SYCP2L: variants seen among roughly 807,000 people sequenced by gnomAD.
The protein encoded by SYCP2L is synaptonemal complex protein 2-like.
Under a neutral mutation model 125.8 loss-of-function variants are expected in SYCP2L, and 98 were observed. The observed-to-expected ratio is 0.78, with a 90% CI of 0.66 to 0.92. The LOEUF (loss-of-function observed/expected upper bound fraction) is 0.92. Ranked by LOEUF, SYCP2L falls within the 40% of genes least tolerant of loss-of-function variation. SYCP2L has a pLI of 0.00. For synonymous variants in SYCP2L, 317 were observed against 325.4 expected (o/e 0.97, Z 0.28); for missense variants, 842 against 936.4 (o/e 0.90, Z 1.32).
chr6:10,904,810 GT>G (rs996379479), intron 8 of SYCP2L, among the ~76,000 whole-genome samples: 9 of 152,094 alleles, frequency 5.9e-5, no homozygotes, highest in Non-Finnish European at 1.2e-4. Flanking sequence ...CAACAAATCT[GT>G]TCTTTAAAAT....
At chr6:10,897,436 G>A (rs1262500317) in intron 4 of SYCP2L, among the ~76,000 whole-genome samples, 1 of 147,904 alleles carries the variant, frequency 6.8e-6, no homozygotes, top group Non-Finnish European at 1.5e-5. Flanking sequence ...TGGAGGTGGG[G>A]TCTCGCTCTG....
Position 10,912,987 on chromosome 6 carries a change from G to A in SYCP2L, c.1072+60G>A. The A allele has an allele frequency of 2.0e-6, 3 of 1,477,954 alleles. No individual in the cohort carries two copies. The South Asian group carries it at 3.5e-5, about 17-fold the overall frequency. The allele number at this position is 1,477,954 out of a possible 1,614,324, so 91.6% of individuals were successfully genotyped here. A position where few individuals can be genotyped will look rare whatever the true frequency, so the allele number is the denominator to read the frequency against. On this transcript the variant is annotated intron_variant, in intron 14 of 29. Transcript: ENST00000283141. This position sits in a 1 kb window ranked among gnomAD's most constrained non-coding sequence, Gnocchi z 4.1. ...TCCAAATATTATTTCTGTTGTATAT[G>A]CAGTGTGTATTTATTTAATTCTAGG...
At chr6:10,930,650 C>A in intron 19 of SYCP2L, 136 bp downstream of exon 19, 3 of 1,032,226 alleles carry the variant, frequency 2.9e-6, no homozygotes, top group Non-Finnish European at 4.2e-6. Context: ...GCTACAGTTA[C>A]ACTGGAAAGG....
At chr6:10,889,439 G>A (rs781764831) in intron 1 of SYCP2L, among the ~76,000 whole-genome samples, 2 of 151,982 alleles carry the variant, frequency 1.3e-5, no homozygotes, top group Non-Finnish European at 2.9e-5. Flanking sequence ...AAATCTACTC[G>A]TATAGCTATT....
intron 8 of SYCP2L, among the ~76,000 whole-genome samples, chr6:10,903,366 G>C (rs1780420010): frequency 6.6e-6 from 1 of 152,158 alleles, no homozygotes. Flanking sequence ...GGCTAACACA[G>C]TGAAACCCTG....
chr6:10,891,323 A>T (rs1459135940), intron 1 of SYCP2L, among the ~76,000 whole-genome samples, 190 bp from the exon 2 acceptor site: 4 of 152,012 alleles, frequency 2.6e-5, no homozygotes, highest in Non-Finnish European at 2.9e-5. Flanking sequence ...AGAAGGTTGG[A>T]TAAAGTTTTT....
intron 29 of SYCP2L, among the ~76,000 whole-genome samples, chr6:10,964,113 A>G (rs1379923348): frequency 6.6e-6 from 1 of 151,776 alleles, no homozygotes; most frequent in Non-Finnish European, 1.5e-5. Context: ...ACCCGCCACC[A>G]CGCCCGGCTA....
At chr6:10,933,240 T>C (rs1781030153) in intron 20 of SYCP2L, among the ~76,000 whole-genome samples, 1 of 152,206 alleles carries the variant, frequency 6.6e-6, no homozygotes, top group Non-Finnish European at 1.5e-5. Flanking sequence ...AGATAGTAAA[T>C]ACTTTTGGCT....
chr6:10,961,014 G>A (rs2113416771), intron 26 of SYCP2L, among the ~76,000 whole-genome samples: 1 of 151,728 alleles, frequency 6.6e-6, no homozygotes, highest in Admixed American at 6.6e-5. Flanking sequence ...GGAGGTGGAG[G>A]TTGCAATGAG....
chr6:10,888,624 A>C (rs1304139862), intron 1 of SYCP2L, among the ~76,000 whole-genome samples: 3 of 152,144 alleles, frequency 2.0e-5, no homozygotes, highest in African/African-American at 7.2e-5. Context: ...AGGCCAGAGA[A>C]GGTTGAAAGG....
chr6:10,898,154 T>C, intron 5 of SYCP2L, 39 bp downstream of exon 5: 1 of 1,394,270 alleles, frequency 7.2e-7, no homozygotes, highest in Non-Finnish European at 1.0e-6. Flanking sequence ...CAGATGCCAT[T>C]GGTAATTGGC....
chr6:10,920,919 A>T (rs764239949), intron 14 of SYCP2L, among the ~76,000 whole-genome samples: 1 of 152,060 alleles, frequency 6.6e-6, no homozygotes, highest in African/African-American at 2.4e-5. Flanking sequence ...GGTTTGTTAC[A>T]TAGGTACATG....
At chr6:10,942,156 G>A (rs1781235538) in intron 21 of SYCP2L, among the ~76,000 whole-genome samples, 1 of 106,282 alleles carries the variant, frequency 9.4e-6, no homozygotes. Flanking sequence ...GTGGGGTGGG[G>A]GGAGGGGGGA....
chr6:10,958,749 A>C (rs1481835741), intron 25 of SYCP2L, 35 bp from the exon 26 acceptor site: 1 of 1,565,246 alleles, frequency 6.4e-7, no homozygotes, highest in Non-Finnish European at 8.7e-7. Flanking sequence ...AATTATATTA[A>C]ATGTGATCAT....
At chr6:10,893,624 C>A (rs553348522) in intron 2 of SYCP2L, among the ~76,000 whole-genome samples, 16 of 152,114 alleles carry the variant, frequency 1.1e-4, no homozygotes, top group African/African-American at 3.4e-4. Context: ...CTAAGAAGTC[C>A]CCAGGTGATG....
intron 6 of SYCP2L, among the ~76,000 whole-genome samples, chr6:10,901,279 A>G (rs1344448653): frequency 6.6e-6 from 1 of 152,200 alleles, no homozygotes; most frequent in Non-Finnish European, 1.5e-5. Context: ...GAAATGTAAG[A>G]GTATTAGGCT....
At chr6:10,891,611 C>CTGTGTGTGTG (rs1173868773) in intron 2 of SYCP2L, 30 bp downstream of exon 2, 2 of 125,322 alleles carry the variant, frequency 1.6e-5, no homozygotes, top group African/African-American at 9.0e-5. Context: ...TATAATCTCT[C>CTGTGTGTGTG]TCTGTGTGTG....
chr6:10,941,006 A>G (rs1781207710), intron 21 of SYCP2L, among the ~76,000 whole-genome samples: 1 of 152,042 alleles, frequency 6.6e-6, no homozygotes, highest in Non-Finnish European at 1.5e-5. Flanking sequence ...TACAAACCTA[A>G]TAAGAATTCA....
At position 10,926,536 on chromosome 6, in the gene SYCP2L, G is replaced by C. The variant is rs189732421; in HGVS notation, c.1312+104G>C. On this transcript the variant is annotated intron_variant, in intron 16 of 29. Coordinates refer to ENST00000283141, the MANE Select transcript of SYCP2L (RefSeq NM_001040274.3). The stretch of plus-strand genomic sequence containing the variant: ...AAACCTGTGGTCATATGAGTGATGC[G>C]TGTCTGATGGCACTTCTGGAGGAAG... 5.1e-6 allele frequency: 4 copies of C among 789,030 alleles called. No individual in the cohort carries two copies. The East Asian group carries it at 1.0e-4, about 21-fold the overall frequency. The allele number at this position is 789,030 out of a possible 1,614,324, so 48.9% of individuals were successfully genotyped here. A position where few individuals can be genotyped will look rare whatever the true frequency, so the allele number is the denominator to read the frequency against.
Sources: allele counts gnomAD v4.1 joint callset (sites outside exome capture counted in the v4.1 genomes callset), GRCh38; gene constraint gnomAD v4.1.1; non-coding constraint Gnocchi (gnomAD v3.1); transcripts MANE v1.5; gene names NCBI Gene and HGNC (gene_info 2026-07-23, HGNC 2026-07-21).